PLA2G4B: variants seen among roughly 807,000 people sequenced by gnomAD.
The protein encoded by PLA2G4B is phospholipase A2 group IVB.
In PLA2G4B, 122 loss-of-function variants were observed where a neutral mutation model predicts 95.8. That is an observed-to-expected ratio of 1.27 (90% CI 1.10 to 1.48). PLA2G4B has a LOEUF of 1.48. Among genes scored for constraint, PLA2G4B ranks in the 40% most tolerant of loss-of-function variants. The pLI is 0.00. For synonymous variants in PLA2G4B, 518 were observed against 421.5 expected (o/e 1.23, Z -2.80); for missense variants, 1,158 against 996.2 (o/e 1.16, Z -2.19).
At chr15:41,840,707 C>T (rs533307838) in intron 3 of PLA2G4B, 47 bp downstream of exon 3, 1 of 1,606,148 alleles carries the variant, frequency 6.2e-7, no homozygotes, top group Non-Finnish European at 8.5e-7. Context: ...TCGCCAGCCA[C>T]TGCCGCTGCC....
chr15:41,842,304 G>T (rs2065446938), intron 9 of PLA2G4B, 28 bp downstream of exon 9: 1 of 1,613,124 alleles, frequency 6.2e-7, no homozygotes, highest in Non-Finnish European at 8.5e-7. Context: ...AAGGAAGCAA[G>T]GCGCCTGGAT....
At chr15:41,842,008 C>T (rs2065440644) in intron 8 of PLA2G4B, 59 bp downstream of exon 8, 1 of 1,579,830 alleles carries the variant, frequency 6.3e-7, no homozygotes, top group African/African-American at 1.3e-5. Context: ...CCCTCTGCAC[C>T]TCCTCCCAGT....
At chr15:41,842,633 A>C (rs1164922021) in intron 10 of PLA2G4B, 42 bp downstream of exon 10, 1 of 1,603,774 alleles carries the variant, frequency 6.2e-7, no homozygotes, top group South Asian at 1.1e-5. Context: ...CCTGGAAAAC[A>C]ACCAGGGTGC....
Position 41,845,945 on chromosome 15 carries a change from A to G in PLA2G4B, c.1498A>G (p.Ile500Val), listed in dbSNP as rs2065534675. Reference sequence around the variant, plus strand: ...TTCCCTCACGGCCGCTCTTTCAGGTATCTGGAGCAACCTGTATGCAGCCAA... The same window carrying G: ...TTCCCTCACGGCCGCTCTTTCAGGTGTCTGGAGCAACCTGTATGCAGCCAA... Reference protein sequence around the residue: ...PESRICFLEGIWSNLYAANLQ... With the variant: ...PESRICFLEGVWSNLYAANLQ... Residue 500 changes from isoleucine (I) to valine (V), a missense_variant and splice_region_variant, in exon 16 of 20, where the codon ATC (isoleucine) becomes GTC (valine). Transcript: ENST00000458483. The G allele has an allele frequency of 6.6e-7, 1 of 1,515,010 alleles. No homozygotes were observed. The highest frequency in any genetic ancestry group is 1.4e-5 in the African/African-American group (1 of 71,718). 93.8% of individuals were successfully genotyped at this position (1,515,010 alleles called of 1,614,324 possible).
intron 10 of PLA2G4B, among the ~76,000 whole-genome samples, chr15:41,843,379 A>AGG (rs150019159): frequency 2.0e-5 from 3 of 151,208 alleles, no homozygotes; most frequent in African/African-American, 7.3e-5. Flanking sequence ...CGAGACTTGG[A>AGG]GGGGGGGGAT....
chr15:41,838,888 A>G lies in PLA2G4B; in HGVS notation c.-26A>G. The G allele has an allele frequency of 6.3e-7, 1 of 1,592,078 alleles. No individual in the cohort carries two copies. The highest frequency in any genetic ancestry group is 1.7e-5 in the Admixed American group (1 of 57,348). ...TTGATCCTGTGGCCACTGCCCCATCATTCCTGCTCCTGAGGACTCAGTCTC... is the reference window on the plus strand; with the variant it reads ...TTGATCCTGTGGCCACTGCCCCATCGTTCCTGCTCCTGAGGACTCAGTCTC... On this transcript the variant is annotated 5_prime_UTR_variant, in exon 1 of 20. Coordinates refer to ENST00000458483, the MANE Select transcript of PLA2G4B (RefSeq NM_001114633.2).
At chr15:41,845,521 CCA>C in intron 14 of PLA2G4B, 115 bp from the exon 15 acceptor site, 1 of 1,516,924 alleles carries the variant, frequency 6.6e-7, no homozygotes, top group Non-Finnish European at 8.8e-7. Flanking sequence ...GAAGCCCAGG[CCA>C]CAAGGCCTGG....
chr15:41,844,427 C>T (rs2065493347), intron 11 of PLA2G4B, 44 bp from the exon 12 acceptor site: 1 of 1,612,832 alleles, frequency 6.2e-7, no homozygotes, highest in Non-Finnish European at 8.5e-7. Flanking sequence ...CTTGGCCTTC[C>T]CCATCCCTAG....
chr15:41,842,639 G>T, intron 10 of PLA2G4B, 48 bp downstream of exon 10: 1 of 1,601,504 alleles, frequency 6.2e-7, no homozygotes, highest in South Asian at 1.1e-5. Context: ...AAACAACCAG[G>T]GTGCGGGGCT....
In PLA2G4B at chr15:41,842,591, G is replaced by GGT. The variant is rs777176722; in HGVS notation, c.743+2_743+3dup. On this transcript the variant is annotated frameshift_variant and splice_region_variant. Transcript: ENST00000458483. LOFTEE classifies it high-confidence loss of function. Reference sequence around the variant, plus strand: ...AGAGTGGAGCTGAAAAAAGAAGCAGGGTGAGAGGCCTGGCTGGGGACTGGG... The same window carrying GGT: ...AGAGTGGAGCTGAAAAAAGAAGCAGGGTGTGAGAGGCCTGGCTGGGGACTGGG... 27 of 1,608,536 alleles carry GGT rather than the reference G, an allele frequency of 1.7e-5. No homozygotes were observed. Among genetic ancestry groups the GGT allele is most frequent in the African/African-American group, 2.7e-5 (2 of 74,372 alleles).
intron 1 of PLA2G4B, 35 bp from the exon 2 acceptor site, chr15:41,840,123 G>A: frequency 6.2e-7 from 1 of 1,607,706 alleles, no homozygotes; most frequent in Non-Finnish European, 8.5e-7. Flanking sequence ...GGCTTCATCG[G>A]CCCGTAGCAG....
In PLA2G4B at chr15:41,841,729, G is replaced by A. The variant is rs559355263; in HGVS notation, c.491-90G>A. On this transcript the variant is annotated intron_variant, in intron 7 of 19. Transcript: ENST00000458483. ...CTCCACCAGACCATTTCAGCGGGGA[G>A]AGGGAGGTGCCCTCCAGGCCACGCA... The A allele has an allele frequency of 4.4e-6, 7 of 1,576,532 alleles. No individual in the cohort carries two copies. In the South Asian group the frequency reaches 8.1e-5, roughly 18 times the overall value.
intron 19 of PLA2G4B, 46 bp downstream of exon 19, chr15:41,847,569 ACCT>A (rs762226142): frequency 6.2e-7 from 1 of 1,604,266 alleles, no homozygotes; most frequent in Non-Finnish European, 8.5e-7. Flanking sequence ...AGTCCCCCAC[ACCT>A]CCTCCGTCCC....
intron 17 of PLA2G4B, 29 bp downstream of exon 17, chr15:41,846,411 T>A: frequency 6.3e-7 from 1 of 1,587,206 alleles, no homozygotes; most frequent in Non-Finnish European, 8.6e-7. Flanking sequence ...AGTCCTCCTG[T>A]GGCCACCTGA....
rs749717319 is a variant in PLA2G4B at position 41,847,403 on chromosome 15, C to G, written c.2014C>G (p.Pro672Ala). ...GIPFPPISPSPEEQLQPRECH... is the reference protein window; with the variant it reads ...GIPFPPISPSAEEQLQPRECH... ...CCCGTTCCCACCCATCTCGCCCAGC[C>G]CCGAAGAGCAGCTCCAGCCTCGGGA... Residue 672 changes from proline to alanine, a missense_variant, in exon 19 of 20, where the codon CCC (proline) becomes GCC (alanine). By Grantham distance (27) the Pro-to-Ala change is conservative (BLOSUM62 -1). Coordinates refer to ENST00000458483, the MANE Select transcript of PLA2G4B (RefSeq NM_001114633.2). The G allele has an allele frequency of 6.8e-6, 11 of 1,613,082 alleles. No homozygotes were observed. The highest frequency in any genetic ancestry group is 9.3e-6 in the Non-Finnish European group (11 of 1,179,870).
chr15:41,843,829 G>A lies in PLA2G4B; in HGVS notation c.879+18G>A. The A allele has an allele frequency of 6.2e-7, 1 of 1,612,362 alleles. No individual in the cohort carries two copies. The highest frequency in any genetic ancestry group is 1.1e-5 in the South Asian group (1 of 90,978). On this transcript the variant is annotated intron_variant, in intron 11 of 19. Coordinates refer to ENST00000458483, the MANE Select transcript of PLA2G4B (RefSeq NM_001114633.2). ...AGGATGAGGTTTGGGGGCTGGGCTG[G>A]ATGGGGTGTCCCCGGGCTTGCTTGG...
chr15:41,841,992 C>T (rs2065440318), intron 8 of PLA2G4B, 43 bp downstream of exon 8: 7 of 1,588,894 alleles, frequency 4.4e-6, no homozygotes, highest in Non-Finnish European at 6.0e-6. Flanking sequence ...CCAGAACTTC[C>T]TCCCTCCCTC....
In PLA2G4B at chr15:41,841,961, C is replaced by T. The variant is rs376944023; in HGVS notation, c.621+12C>T. On this transcript the variant is annotated intron_variant, in intron 8 of 19. Coordinates refer to ENST00000458483, the MANE Select transcript of PLA2G4B (RefSeq NM_001114633.2). ...GTATTCGCCTGCAGGTAGTGTGCCT[C>T]GCTCCCTCGAGGTGGGGCCCCCAGA... 1.1e-5 allele frequency: 17 copies of T among 1,607,030 alleles called. No individual in the cohort carries two copies. The highest frequency in any genetic ancestry group is 6.7e-5 in the African/African-American group (5 of 74,920).
rs148060081 is a variant in PLA2G4B at position 41,840,225 on chromosome 15, A to T, written c.77A>T (p.Asp26Val). Reference sequence around the variant, plus strand: ...CAGGCCCATCGCCTACCCTCTAAGGACCTAGGTGAGTGCGCACCGCCCTGG... The same window carrying T: ...CAGGCCCATCGCCTACCCTCTAAGGTCCTAGGTGAGTGCGCACCGCCCTGG... ...VLQAHRLPSKDLVTPSDCYVT... is the reference protein window; with the variant it reads ...VLQAHRLPSKVLVTPSDCYVT... Residue 26 changes from aspartate (D) to valine (V), a missense_variant, in exon 2 of 20, where the codon GAC becomes GTC. Asp to Val is a radical substitution (Grantham distance 152). Coordinates refer to ENST00000458483, the MANE Select transcript of PLA2G4B (RefSeq NM_001114633.2). 6.2e-7 allele frequency: 1 copy of T among 1,612,740 alleles called. No individual in the cohort carries two copies. Among genetic ancestry groups the T allele is most frequent in the African/African-American group, 1.3e-5 (1 of 74,846 alleles).
Sources: gnomAD v4.1 joint callset for allele counts (sites outside exome capture counted in the v4.1 genomes callset) on GRCh38, gnomAD v4.1.1 for gene constraint, MANE v1.5 for transcripts, NCBI Gene and HGNC (gene_info 2026-07-23, HGNC 2026-07-21) for gene names.